The following ENOX1 variants were observed in gnomAD, a reference collection of about 807,000 sequenced individuals.
The protein encoded by ENOX1 is candidate growth-related and time keeping constitutive hydroquinone (NADH) oxidase.
Under a neutral mutation model 82.5 loss-of-function variants are expected in ENOX1, and 42 were observed. That is an observed-to-expected ratio of 0.51 (90% confidence interval 0.40 to 0.66). The LOEUF is 0.66. Ranked by LOEUF, ENOX1 falls within the 30% of genes least tolerant of loss-of-function variation. ENOX1 has a pLI of 0.00. For missense variants in ENOX1, 608 were observed against 811.6 expected (o/e 0.75, Z 3.05); for synonymous variants, 271 against 282.2 (o/e 0.96, Z 0.40).
chr13:43,413,013 T>C, intron 3 of ENOX1, 25 bp from the exon 4 acceptor site: 13 of 1,508,746 alleles, frequency 8.6e-6, no homozygotes, highest in Non-Finnish European at 1.1e-5. Flanking sequence ...AGAAGTGTGG[T>C]GAGAAACCTT....
chr13:43,338,874 A>G (rs1041595154), intron 9 of ENOX1, among the ~76,000 whole-genome samples: 4 of 151,502 alleles, frequency 2.6e-5, no homozygotes, highest in Admixed American at 1.3e-4. Context: ...TTTAGTAGAG[A>G]CGGGGTTTCA....
chr13:43,344,844 T>C (rs189377990), intron 8 of ENOX1, 94 bp from the exon 9 acceptor site: 3 of 1,208,048 alleles, frequency 2.5e-6, no homozygotes, highest in Non-Finnish European at 3.5e-6. Context: ...TAGTCCAACC[T>C]AGTGGATATA....
intron 11 of ENOX1, among the ~76,000 whole-genome samples, chr13:43,304,559 G>A (rs1177029207): frequency 6.6e-6 from 1 of 152,148 alleles, no homozygotes; most frequent in East Asian, 1.9e-4. Flanking sequence ...CTCTATCTGG[G>A]GAGTGTTCTG....
chr13:43,487,987 T>C (rs1168554636), intron 2 of ENOX1, among the ~76,000 whole-genome samples: 2 of 152,208 alleles, frequency 1.3e-5, no homozygotes, highest in African/African-American at 4.8e-5. Flanking sequence ...ATTTAACATA[T>C]AGTTCCTCTG....
chr13:43,712,636 C>T (rs2087807444), intron 1 of ENOX1, among the ~76,000 whole-genome samples: 1 of 150,898 alleles, frequency 6.6e-6, no homozygotes, highest in Non-Finnish European at 1.5e-5. Context: ...CCTTCACATC[C>T]CTTGTAAGTT....
chr13:43,274,350 C>T (rs2044875752), intron 12 of ENOX1, among the ~76,000 whole-genome samples: 1 of 152,144 alleles, frequency 6.6e-6, no homozygotes, highest in African/African-American at 2.4e-5. Context: ...AGTTAATGTG[C>T]TCTTTTGTTT....
chr13:43,217,457 C>CTAG (rs1402870933), intron 16 of ENOX1, among the ~76,000 whole-genome samples: 3 of 152,118 alleles, frequency 2.0e-5, no homozygotes, highest in Non-Finnish European at 4.4e-5. Context: ...TGACCTGAGC[C>CTAG]TAGACTTTAA....
intron 1 of ENOX1, among the ~76,000 whole-genome samples, chr13:43,766,329 G>A (rs1951262100): frequency 6.6e-6 from 1 of 152,212 alleles, no homozygotes; most frequent in South Asian, 2.1e-4. Flanking sequence ...CGGACTGTAT[G>A]TTAAACATTT....
chr13:43,597,942 C>T (rs1402974067), intron 2 of ENOX1, among the ~76,000 whole-genome samples: 28 of 152,188 alleles, frequency 1.8e-4, no homozygotes, highest in Admixed American at 1.8e-3. Flanking sequence ...ACCAGCTTAG[C>T]AAGGCCTATC....
chr13:43,451,545 T>C (rs933012207), intron 3 of ENOX1, among the ~76,000 whole-genome samples: 3 of 152,172 alleles, frequency 2.0e-5, no homozygotes, highest in Non-Finnish European at 2.9e-5. Context: ...CAATTAGAAA[T>C]AAATGGTGTT....
chr13:43,407,965 G>T (rs1322094845), intron 5 of ENOX1, among the ~76,000 whole-genome samples: 2 of 152,224 alleles, frequency 1.3e-5, no homozygotes, highest in African/African-American at 4.8e-5. Flanking sequence ...GAACAGCCAG[G>T]ACTTTGGAGT....
chr13:43,489,713 G>A (rs753493594), intron 2 of ENOX1, among the ~76,000 whole-genome samples: 14 of 152,160 alleles, frequency 9.2e-5, no homozygotes, highest in Non-Finnish European at 1.3e-4. Context: ...TGCTTCATGG[G>A]CTATGCTCAA....
chr13:43,606,883 T>A (rs1392382650), intron 2 of ENOX1, among the ~76,000 whole-genome samples: 1 of 151,902 alleles, frequency 6.6e-6, no homozygotes, highest in Non-Finnish European at 1.5e-5. Flanking sequence ...CCGGGTATGG[T>A]GGCATGTGCC....
At chr13:43,672,978 C>T (rs1170584987) in intron 1 of ENOX1, among the ~76,000 whole-genome samples, 1 of 152,080 alleles carries the variant, frequency 6.6e-6, no homozygotes, top group Non-Finnish European at 1.5e-5. Flanking sequence ...CATCTGAGTG[C>T]CCTCTCACCC....
intron 2 of ENOX1, among the ~76,000 whole-genome samples, chr13:43,486,153 T>C (rs1256737426): frequency 3.9e-5 from 6 of 152,194 alleles, no homozygotes; most frequent in Non-Finnish European, 7.3e-5. Context: ...GAGCTTGCAG[T>C]GATCCAAGAT....
chr13:43,757,732 C>T lies in ENOX1; in HGVS notation c.-285+28920G>A, dbSNP rs748988717. ...CAAGTGAGAATGTAAAATGGTACAA[C>T]TGCGGAAAGCATTTTAAAAGTTTCT... On this transcript the variant is annotated intron_variant, in intron 1 of 16. Coordinates refer to ENST00000690772, the MANE Select transcript of ENOX1 (RefSeq NM_001347969.2). Among the ~76,000 whole-genome samples, 11 of 152,204 alleles carry T rather than the reference C, an allele frequency of 7.2e-5. 1 individual carries two copies. The highest frequency in any genetic ancestry group is 1.2e-4 in the Non-Finnish European group (8 of 68,042).
chr13:43,394,161 C>A (rs1399349707), intron 5 of ENOX1, among the ~76,000 whole-genome samples: 1 of 152,176 alleles, frequency 6.6e-6, no homozygotes, highest in East Asian at 1.9e-4. Flanking sequence ...TCTTTTACAG[C>A]AATACATAAT....
At chr13:43,360,427 T>C (rs2153559725) in intron 6 of ENOX1, among the ~76,000 whole-genome samples, 1 of 152,324 alleles carries the variant, frequency 6.6e-6, no homozygotes, top group East Asian at 1.9e-4. Context: ...CAGCGTGTTA[T>C]CTGCTTTGTC....
chr13:43,214,563 G>C (rs1593375075), intron 16 of ENOX1, among the ~76,000 whole-genome samples: 1 of 152,138 alleles, frequency 6.6e-6, no homozygotes, highest in East Asian at 1.9e-4. Context: ...TGGATTTCTT[G>C]CCACCCAAAT....
Sources: allele counts gnomAD v4.1 joint callset (sites outside exome capture counted in the v4.1 genomes callset), GRCh38; gene constraint gnomAD v4.1.1; transcripts MANE v1.5; gene names NCBI Gene and HGNC (gene_info 2026-07-23, HGNC 2026-07-21).